RNF123: variants seen among roughly 807,000 people sequenced by gnomAD.
RNF123 encodes ring finger protein 123.
RNF123 carries 86 observed loss-of-function variants against 168.5 expected under a neutral mutation model. That is an observed-to-expected ratio of 0.51 (90% confidence interval 0.43 to 0.61). The LOEUF (loss-of-function observed/expected upper bound fraction) is 0.61. Among genes scored for constraint, RNF123 ranks in the 20% least tolerant of loss-of-function variants. The pLI is 0.00. For missense variants in RNF123, 1,419 were observed against 1,729.7 expected (o/e 0.82, Z 3.19); for synonymous variants, 666 against 689.1 (o/e 0.97, Z 0.52).
At chr3:49,720,409 G>A in intron 35 of RNF123, 102 bp from the exon 36 acceptor site, 1 of 1,200,280 alleles carries the variant, frequency 8.3e-7, no homozygotes. Context: ...TGCAGGGGGG[G>A]TGATCATGTA....
In RNF123 at chr3:49,698,138, G is replaced by A; in HGVS notation, c.483+1G>A. ...CATCAGCTGCCGCTTCAACCAGGAG[G>A]TACACGTTGGGGAGGGGACCCCTCC... On this transcript the variant is annotated splice_donor_variant, in intron 7 of 38. Transcript: ENST00000327697. LOFTEE classifies it high-confidence loss of function. 6.2e-7 allele frequency: 1 copy of A among 1,613,448 alleles called. No homozygotes were observed. Among genetic ancestry groups the A allele is most frequent in the Non-Finnish European group, 8.5e-7 (1 of 1,179,690 alleles).
At chr3:49,709,704 G>T (rs1467129496) in intron 26 of RNF123, among the ~76,000 whole-genome samples, 1 of 152,136 alleles carries the variant, frequency 6.6e-6, no homozygotes, top group Non-Finnish European at 1.5e-5. Flanking sequence ...CTCCCAAAGT[G>T]CTGGGGTTAC....
chr3:49,692,894 C>T (rs2054196547), intron 3 of RNF123, among the ~76,000 whole-genome samples: 1 of 152,172 alleles, frequency 6.6e-6, no homozygotes, highest in Non-Finnish European at 1.5e-5. Flanking sequence ...ACTTAGATTG[C>T]TTCCAAATCT....
chr3:49,715,725 G>C lies in RNF123; in HGVS notation c.3150+11G>C. ...GGCATGATCCAAGAGGTGGGCTGTG[G>C]TGGGGCCTCGTGGGTTAGGGTGGTG... is the stretch of plus-strand genomic sequence containing the variant. On this transcript the variant is annotated intron_variant, in intron 32 of 38. Coordinates refer to ENST00000327697, the MANE Select transcript of RNF123 (RefSeq NM_022064.5). 1 of 1,614,242 alleles carries C rather than the reference G, an allele frequency of 6.2e-7. No homozygotes were observed. The highest frequency in any genetic ancestry group is 8.5e-7 in the Non-Finnish European group (1 of 1,180,042).
In RNF123 at chr3:49,697,344, C is replaced by G; in HGVS notation, c.248-19C>G. ...GTCAAATGCTCCACCCTGCCTGACC[C>G]CACCTCTCCTCTTTTCAGGACAGGT... is the stretch of plus-strand genomic sequence containing the variant. On this transcript the variant is annotated intron_variant, in intron 4 of 38. Transcript: ENST00000327697. The G allele has an allele frequency of 6.2e-7, 1 of 1,605,264 alleles. No individual in the cohort carries two copies. The highest frequency in any genetic ancestry group is 8.5e-7 in the Non-Finnish European group (1 of 1,173,674).
intron 26 of RNF123, 70 bp from the exon 27 acceptor site, chr3:49,712,409 C>T: frequency 1.3e-6 from 2 of 1,520,838 alleles, no homozygotes; most frequent in Non-Finnish European, 1.8e-6. Flanking sequence ...TTTCCTGATC[C>T]CCAGGCCAGG....
chr3:49,705,769 C>A, intron 24 of RNF123, 90 bp downstream of exon 24: 1 of 1,577,608 alleles, frequency 6.3e-7, no homozygotes. Flanking sequence ...GCCCGCAGGG[C>A]TGCCTGTTCA....
At chr3:49,698,319 CT>C in intron 7 of RNF123, 120 bp from the exon 8 acceptor site, 1 of 979,102 alleles carries the variant, frequency 1.0e-6, no homozygotes, top group Admixed American at 2.0e-5. Context: ...ACCTCTTACT[CT>C]TTCCCTCAGA....
chr3:49,700,068 T>A, intron 12 of RNF123, 159 bp from the exon 13 acceptor site: 2 of 1,016,160 alleles, frequency 2.0e-6, no homozygotes. Context: ...GGCCTTCTTG[T>A]CCCTCAGTCA....
intron 35 of RNF123, chr3:49,718,640 C>T: frequency 3.1e-6 from 5 of 1,612,976 alleles, no homozygotes; most frequent in Non-Finnish European, 3.4e-6. Context: ...AGAGCTGGGG[C>T]CGACGAGCAG....
chr3:49,697,808 G>T, intron 5 of RNF123, 77 bp from the exon 6 acceptor site: 1 of 1,566,500 alleles, frequency 6.4e-7, no homozygotes, highest in Non-Finnish European at 8.8e-7. Flanking sequence ...TGGCTCAGTT[G>T]GGGATGGGGT....
intron 3 of RNF123, 90 bp from the exon 4 acceptor site, chr3:49,697,053 C>A (rs754140458): frequency 2.1e-5 from 23 of 1,108,852 alleles, no homozygotes; most frequent in East Asian, 7.4e-5. Context: ...AGGCAGCCCC[C>A]CTGTGAGCTC....
intron 24 of RNF123, 70 bp from the exon 25 acceptor site, chr3:49,705,912 G>C: frequency 6.4e-7 from 1 of 1,554,614 alleles, no homozygotes; most frequent in East Asian, 2.2e-5. Flanking sequence ...CTGGGGTCCA[G>C]ACTGGGTCTG....
intron 18 of RNF123, 85 bp from the exon 19 acceptor site, chr3:49,702,249 G>C (rs1380673965): frequency 6.3e-7 from 1 of 1,589,402 alleles, no homozygotes; most frequent in Non-Finnish European, 8.6e-7. Context: ...CATGGCAGGG[G>C]CTGGGGGAAG....
Position 49,699,203 on chromosome 3 carries a change from G to A in RNF123, c.764+98G>A. The A allele has an allele frequency of 2.0e-6, 3 of 1,480,986 alleles. No individual in the cohort carries two copies. The highest frequency in any genetic ancestry group is 1.8e-6 in the Non-Finnish European group (2 of 1,101,706). 91.7% of individuals were successfully genotyped at this position (1,480,986 alleles called of 1,614,324 possible). A position where few individuals can be genotyped will look rare whatever the true frequency, so the allele number is the denominator to read the frequency against. ...CCAGGGGTGCCATGGGCTGGTGGCA[G>A]GCCCTGGCTGCTGCAGAGTTAGTGG... On this transcript the variant is annotated intron_variant, in intron 10 of 38. Transcript: ENST00000327697. This position sits in a 1 kb window ranked among gnomAD's most constrained non-coding sequence, Gnocchi z 4.8.
chr3:49,703,454 A>G lies in RNF123; in HGVS notation c.1778A>G (p.Tyr593Cys), dbSNP rs759158432. 31 of 1,613,942 alleles carry G rather than the reference A, an allele frequency of 1.9e-5. No homozygotes were observed. Among genetic ancestry groups the G allele is most frequent in the African/African-American group, 4.0e-5 (3 of 74,904 alleles). Residue 593 changes from tyrosine (Y) to cysteine (C), a missense_variant, in exon 21 of 39, where the codon TAT (tyrosine) becomes TGT (cysteine). By Grantham distance (194) the Tyr-to-Cys change is radical. Coordinates refer to ENST00000327697, the MANE Select transcript of RNF123 (RefSeq NM_022064.5). ...EEAYIPPQVF[Y>C]NGKVDYFDLQ... ...GCCTACATCCCGCCCCAGGTCTTCT[A>G]TAATGGCAAGGTGGACTACTTTGAC...
chr3:49,698,380 T>C, intron 7 of RNF123, 60 bp from the exon 8 acceptor site: 1 of 1,400,306 alleles, frequency 7.1e-7, no homozygotes, highest in Non-Finnish European at 1.0e-6. Flanking sequence ...TGGTGATTGG[T>C]GGGCTCTGGC....
At chr3:49,708,838 A>C (rs2080084410) in intron 26 of RNF123, among the ~76,000 whole-genome samples, 1 of 152,234 alleles carries the variant, frequency 6.6e-6, no homozygotes, top group Admixed American at 6.5e-5. Flanking sequence ...GCTACTGTGA[A>C]TAATGCTGTA....
intron 26 of RNF123, among the ~76,000 whole-genome samples, chr3:49,711,701 G>A (rs1318839333): frequency 2.0e-5 from 3 of 152,088 alleles, no homozygotes; most frequent in Non-Finnish European, 4.4e-5. Flanking sequence ...GGGGCCTGAG[G>A]CCTCATTCTT....
Sources: gnomAD v4.1 joint callset for allele counts (sites outside exome capture counted in the v4.1 genomes callset) on GRCh38, gnomAD v4.1.1 for gene constraint, Gnocchi (gnomAD v3.1) non-coding constraint, MANE v1.5 for transcripts, NCBI Gene and HGNC (gene_info 2026-07-23, HGNC 2026-07-21) for gene names.